HS2ST1: variants seen among roughly 807,000 people sequenced by gnomAD.
HS2ST1 encodes heparan sulfate 2-O-sulfotransferase 1.
HS2ST1 carries 18 observed loss-of-function variants against 42.9 expected under a neutral mutation model. That is an observed-to-expected ratio of 0.42 (90% CI 0.29 to 0.62). The LOEUF is 0.62. Among genes scored for constraint, HS2ST1 ranks in the 20% least tolerant of loss-of-function variants. The pLI is 0.21. For synonymous variants in HS2ST1, 146 were observed against 152.9 expected (o/e 0.95, Z 0.33); for missense variants, 334 against 433.8 (o/e 0.77, Z 2.04).
intron 1 of HS2ST1, among the ~76,000 whole-genome samples, chr1:87,041,401 A>C (rs1650520715): frequency 6.6e-6 from 1 of 151,890 alleles, no homozygotes; most frequent in Admixed American, 6.6e-5. Context: ...AGTATATATA[A>C]ATTTAAAAAA....
Position 87,101,149 on chromosome 1 carries a change from GTTTTTTGTT to G in HS2ST1, c.687-2276_687-2268del, listed in dbSNP as rs1441383492. 8.6e-4 allele frequency among the ~76,000 whole-genome samples: 51 copies of G among 59,556 alleles called. 5 individuals are homozygous for G. The highest frequency in any genetic ancestry group is 3.2e-3 in the African/African-American group (49 of 15,280). 39.1% of individuals were successfully genotyped at this position (59,556 alleles called of 152,430 possible). A position where few individuals can be genotyped will look rare whatever the true frequency, so the allele number is the denominator to read the frequency against. On this transcript the variant is annotated intron_variant, in intron 5 of 6. Coordinates refer to ENST00000370550, the MANE Select transcript of HS2ST1 (RefSeq NM_012262.4). Reference sequence around the variant, plus strand: ...TCATCACTTTTGTGTGTGTGTGTGTGTTTTTTGTTTTTTTTTTTTTTTTTTTTTTTTTTT... The same window carrying G: ...TCATCACTTTTGTGTGTGTGTGTGTGTTTTTTTTTTTTTTTTTTTTTTTTT...
chr1:87,053,667 G>T (rs1650887367), intron 1 of HS2ST1, among the ~76,000 whole-genome samples: 1 of 152,122 alleles, frequency 6.6e-6, no homozygotes. Context: ...CATTTTAAAG[G>T]CATGTCAGTA....
intron 6 of HS2ST1, 87 bp from the exon 7 acceptor site, chr1:87,104,383 A>G: frequency 1.2e-6 from 1 of 821,928 alleles, no homozygotes; most frequent in South Asian, 1.6e-5. Context: ...TGTCATATTA[A>G]CCACCTCTTC....
At chr1:86,959,116 C>T (rs555276891) in intron 1 of HS2ST1, among the ~76,000 whole-genome samples, 1 of 152,262 alleles carries the variant, frequency 6.6e-6, no homozygotes, top group Admixed American at 6.5e-5. Context: ...CTACAAAAAA[C>T]TTACAGCTAA....
chr1:87,077,568 C>T (rs1040761758), intron 2 of HS2ST1, among the ~76,000 whole-genome samples: 1 of 152,178 alleles, frequency 6.6e-6, no homozygotes, highest in Non-Finnish European at 1.5e-5. Flanking sequence ...TGTGTCTTCT[C>T]TGGTACTAAT....
intron 1 of HS2ST1, among the ~76,000 whole-genome samples, chr1:87,027,012 CTG>C (rs924195094): frequency 1.4e-4 from 21 of 152,230 alleles, no homozygotes; most frequent in African/African-American, 4.3e-4. Context: ...CTGAAGCAGA[CTG>C]TTGTATGTAT....
intron 1 of HS2ST1, among the ~76,000 whole-genome samples, chr1:87,028,171 C>T (rs754295552): frequency 3.3e-5 from 5 of 152,174 alleles, no homozygotes; most frequent in Admixed American, 6.5e-5. Flanking sequence ...ATTTCACGTA[C>T]ACTACTAGAC....
intron 1 of HS2ST1, among the ~76,000 whole-genome samples, chr1:86,987,527 G>A (rs1648823720): frequency 6.6e-6 from 1 of 152,184 alleles, no homozygotes; most frequent in Admixed American, 6.5e-5. Flanking sequence ...CTAAGGAGGT[G>A]ATAATAATGC....
chr1:86,938,189 A>T (rs1230550669), intron 1 of HS2ST1, among the ~76,000 whole-genome samples: 1 of 152,068 alleles, frequency 6.6e-6, no homozygotes, highest in Non-Finnish European at 1.5e-5. Flanking sequence ...GATGGACTGT[A>T]TTTAGAGACA....
intron 1 of HS2ST1, among the ~76,000 whole-genome samples, chr1:86,949,787 A>C (rs548587063): frequency 6.6e-6 from 1 of 152,166 alleles, no homozygotes; most frequent in Non-Finnish European, 1.5e-5. Flanking sequence ...GTTCTAAGCT[A>C]TGTTTTCAGT....
intron 1 of HS2ST1, among the ~76,000 whole-genome samples, chr1:86,964,738 G>C (rs1647993766): frequency 1.3e-5 from 2 of 152,204 alleles, no homozygotes; most frequent in South Asian, 2.1e-4. Context: ...TCTACACACA[G>C]ACACACATGT....
intron 1 of HS2ST1, among the ~76,000 whole-genome samples, chr1:87,021,908 T>C (rs1186128561): frequency 6.6e-6 from 1 of 152,240 alleles, no homozygotes; most frequent in Admixed American, 6.5e-5. Context: ...ATTTATTTTA[T>C]GCCAAATTAG....
intron 1 of HS2ST1, among the ~76,000 whole-genome samples, chr1:87,018,778 G>A (rs1410822523): frequency 3.3e-5 from 5 of 152,062 alleles, no homozygotes; most frequent in Admixed American, 6.6e-5. Context: ...TGGTGGTTGC[G>A]CCTTATCATG....
chr1:86,972,918 A>T (rs142754160), intron 1 of HS2ST1, among the ~76,000 whole-genome samples: 1 of 152,194 alleles, frequency 6.6e-6, no homozygotes, highest in Admixed American at 6.5e-5. Context: ...TTTGTCTTCT[A>T]TGGCTACACT....
intron 1 of HS2ST1, among the ~76,000 whole-genome samples, chr1:86,986,878 AT>A (rs1249227457): frequency 6.6e-6 from 1 of 152,110 alleles, no homozygotes; most frequent in Non-Finnish European, 1.5e-5. Context: ...AAGCCACCAA[AT>A]TATGGTAATT....
chr1:87,025,594 T>C (rs913483120), intron 1 of HS2ST1, among the ~76,000 whole-genome samples: 3 of 152,228 alleles, frequency 2.0e-5, no homozygotes, highest in Non-Finnish European at 4.4e-5. Context: ...ATTTTTCATA[T>C]AGAAAATTTG....
chr1:87,089,740 C>T (rs147449775), intron 3 of HS2ST1, among the ~76,000 whole-genome samples: 2 of 152,160 alleles, frequency 1.3e-5, no homozygotes, highest in Admixed American at 6.6e-5. Flanking sequence ...AATGAGTTCA[C>T]AGATTATATC....
At chr1:87,087,131 G>T (rs951009314) in intron 3 of HS2ST1, among the ~76,000 whole-genome samples, 1 of 151,674 alleles carries the variant, frequency 6.6e-6, no homozygotes, top group Non-Finnish European at 1.5e-5. Flanking sequence ...TTTTAAATGT[G>T]CACTATTTAT....
At chr1:86,942,610 G>C (rs1038830231) in intron 1 of HS2ST1, among the ~76,000 whole-genome samples, 9 of 152,022 alleles carry the variant, frequency 5.9e-5, no homozygotes, top group African/African-American at 2.2e-4. Context: ...GCTTTTTGGG[G>C]GGTACTTTTT....
Sources: allele counts gnomAD v4.1 joint callset (sites outside exome capture counted in the v4.1 genomes callset), GRCh38; gene constraint gnomAD v4.1.1; transcripts MANE v1.5; gene names NCBI Gene and HGNC (gene_info 2026-07-23, HGNC 2026-07-21).